Variants in ZNF169 observed in about 807,000 individuals in gnomAD.
The protein encoded by ZNF169 is zinc finger protein 169.
In ZNF169, 11 loss-of-function variants were observed where a neutral mutation model predicts 12.0. The observed-to-expected ratio is 0.92, with a 90% CI of 0.58 to 1.52. The LOEUF (loss-of-function observed/expected upper bound fraction) is 1.52, where lower values mean the gene tolerates loss of function less well. ZNF169 is among the 40% of genes most tolerant of loss of function. The probability of loss-of-function intolerance (pLI) is 0.00; values close to 1 mark genes in which losing one functional copy is unlikely to be tolerated. For synonymous variants in ZNF169, 302 were observed against 286.5 expected (o/e 1.05, Z -0.55); for missense variants, 722 against 744.0 (o/e 0.97, Z 0.34).
chr9:94,299,943 T>C lies in ZNF169; in HGVS notation c.385T>C (p.Phe129Leu). The change falls in exon 5 of 5, where the codon TTC (phenylalanine) becomes CTC (leucine). Residue 129 changes from phenylalanine to leucine, a missense_variant. Coordinates refer to ENST00000395395, the MANE Select transcript of ZNF169 (RefSeq NM_194320.4). ...CCCAAGCTCATCTGCAGGAGGTGAC[T>C]TCCAACTAGAAGCTCCAAGATGCTC... is the stretch of plus-strand genomic sequence containing the variant. Reference protein sequence around the residue: ...IFPSSSAGGDFQLEAPRCSSE... With the variant: ...IFPSSSAGGDLQLEAPRCSSE... 1 of 1,614,086 alleles carries C rather than the reference T, an allele frequency of 6.2e-7. No individual in the cohort carries two copies. Among genetic ancestry groups the C allele is most frequent in the South Asian group, 1.1e-5 (1 of 91,076 alleles).
chr9:94,295,318 ACT>A (rs1830928550), intron 4 of ZNF169: 1 of 152,098 alleles, frequency 6.6e-6, no homozygotes, highest in South Asian at 2.1e-4. Context: ...ACAGAGTGAG[ACT>A]CTGTCTCAAA....
chr9:94,267,190 T>C (rs1303776993), intron 1 of ZNF169, among the ~76,000 whole-genome samples: 2 of 152,202 alleles, frequency 1.3e-5, no homozygotes, highest in African/African-American at 4.8e-5. Flanking sequence ...TACCTATCAG[T>C]TGGGTGAATA....
chr9:94,283,199 A>G (rs961223703), intron 2 of ZNF169, among the ~76,000 whole-genome samples: 3 of 152,228 alleles, frequency 2.0e-5, no homozygotes, highest in Admixed American at 6.5e-5. Context: ...TCATGAGGTC[A>G]GGAGATCGAG....
chr9:94,299,684 T>C (rs1195627350), intron 4 of ZNF169, 131 bp from the exon 5 acceptor site: 2 of 1,452,518 alleles, frequency 1.4e-6, no homozygotes, highest in Admixed American at 2.8e-5. Context: ...TGTGCTGCAA[T>C]AGAGCATGTA....
In ZNF169 at chr9:94,299,891, G is replaced by A; in HGVS notation, c.333G>A (p.Ala111=). 4.3e-6 allele frequency: 7 copies of A among 1,614,066 alleles called. No individual in the cohort carries two copies. Among genetic ancestry groups the A allele is most frequent in the South Asian group, 1.1e-5 (1 of 91,076 alleles). Residue 111 remains alanine (A), a synonymous_variant, in exon 5 of 5, where the codon GCG becomes GCA. Transcript: ENST00000395395. ...FSSSQLLRQY[A]LSGHPTQIFP... is the part of the protein sequence containing the mutation. ...GCTCGCAGCTCCTCAGACAATATGC[G>A]CTAAGTGGCCATCCCACACAGATCT...
intron 2 of ZNF169, among the ~76,000 whole-genome samples, chr9:94,283,036 C>T (rs1468015971): frequency 6.6e-6 from 1 of 152,128 alleles, no homozygotes; most frequent in African/African-American, 2.4e-5. Flanking sequence ...GCGTTTTTGT[C>T]CTATGGATTT....
At chr9:94,259,695 C>T (rs1331283396) in intron 1 of ZNF169, among the ~76,000 whole-genome samples, 1 of 152,070 alleles carries the variant, frequency 6.6e-6, no homozygotes, top group Non-Finnish European at 1.5e-5. Context: ...GCTGAGTGGG[C>T]TCTGCCTGGG....
chr9:94,300,470 T>G lies in ZNF169; in HGVS notation c.912T>G (p.Ser304=), dbSNP rs1220112313. ...GGCGACACTTCAGGTATACATCCTC[T>G]CTCACTAATCACAAGAGGATTCACT... ...ECGRHFRYTS[S]LTNHKRIHSG... is the part of the protein sequence containing the mutation. Residue 304 remains serine (S), a synonymous_variant, in exon 5 of 5, where the codon TCT becomes TCG. Coordinates refer to ENST00000395395, the MANE Select transcript of ZNF169 (RefSeq NM_194320.4). The G allele has an allele frequency of 6.2e-7, 1 of 1,613,800 alleles. No homozygotes were observed. The highest frequency in any genetic ancestry group is 8.5e-7 in the Non-Finnish European group (1 of 1,179,928).
chr9:94,280,248 TA>T (rs2118599927), intron 2 of ZNF169, among the ~76,000 whole-genome samples: 1 of 152,348 alleles, frequency 6.6e-6, no homozygotes, highest in Admixed American at 6.5e-5. Flanking sequence ...GAGAAATCTG[TA>T]ACATCTTTGA....
chr9:94,271,848 A>G (rs1384671191), intron 1 of ZNF169, among the ~76,000 whole-genome samples: 1 of 151,866 alleles, frequency 6.6e-6, no homozygotes. Context: ...CTTTTGCAGG[A>G]AGTGTATGGC....
intron 4 of ZNF169, chr9:94,294,944 T>C (rs1830921292): frequency 6.6e-6 from 1 of 152,282 alleles, no homozygotes; most frequent in African/African-American, 2.4e-5. Flanking sequence ...CATTTTATTT[T>C]TGTTTTATTT....
In ZNF169 at chr9:94,293,027, C is replaced by A. The variant is rs532233833; in HGVS notation, c.214C>A (p.Pro72Thr). 6.2e-7 allele frequency: 1 copy of A among 1,613,660 alleles called. No individual in the cohort carries two copies. The highest frequency in any genetic ancestry group is 2.2e-5 in the East Asian group (1 of 44,862). The change falls in exon 4 of 5, where the codon CCT (proline) becomes ACT (threonine). Residue 72 changes from proline (P) to threonine (T), a missense_variant. Transcript: ENST00000395395. ...CGAACAGCTGGAGCAAGGCGACGAA[C>A]CTTGGAGAGAGGAGAACGAACATCT... is the stretch of plus-strand genomic sequence containing the variant. ...LIEQLEQGDE[P>T]WREENEHLLD...
At chr9:94,271,046 A>C (rs10993133) in intron 1 of ZNF169, among the ~76,000 whole-genome samples, 51,782 of 94,708 alleles carry the variant, frequency 0.55, 15,116 homozygotes, top group Middle Eastern at 0.64. Flanking sequence ...TTATATATAT[A>C]TAAATATATA....
chr9:94,266,986 G>C (rs1258111304), intron 1 of ZNF169, among the ~76,000 whole-genome samples: 3 of 149,920 alleles, frequency 2.0e-5, no homozygotes, highest in African/African-American at 7.4e-5. Context: ...TTGGCTCACT[G>C]CAACCTCCGC....
chr9:94,295,934 A>G (rs940314019), intron 4 of ZNF169: 2 of 152,242 alleles, frequency 1.3e-5, no homozygotes, highest in South Asian at 2.1e-4. Flanking sequence ...GATACAATAT[A>G]TATTCAACTT....
intron 4 of ZNF169, chr9:94,294,842 TAAC>T (rs905475336): frequency 5.9e-5 from 9 of 152,236 alleles, no homozygotes; most frequent in African/African-American, 2.2e-4. Context: ...TTTAGGTCTT[TAAC>T]TGGAATTAAT....
chr9:94,297,441 T>C (rs576327595), intron 4 of ZNF169, among the ~76,000 whole-genome samples: 49 of 152,340 alleles, frequency 3.2e-4, no homozygotes, highest in African/African-American at 1.2e-3. Flanking sequence ...ATAAAATGGA[T>C]TTATGTATAG....
intron 1 of ZNF169, among the ~76,000 whole-genome samples, chr9:94,270,761 A>T (rs1179569410): frequency 2.0e-5 from 1 of 51,278 alleles, no homozygotes; most frequent in Non-Finnish European, 4.7e-5. Flanking sequence ...TAATATATAA[A>T]TATATATGTT....
chr9:94,301,515 A>G lies in ZNF169; in HGVS notation c.*145A>G. The G allele has an allele frequency of 7.1e-7, 1 of 1,412,436 alleles. No individual in the cohort carries two copies. The allele number at this position is 1,412,436 out of a possible 1,614,324, so 87.5% of individuals were successfully genotyped here. ...TTTTGGTTTACTTTCTATATTCACA[A>G]TTTGTCTTGGCTTGCTAGGGGTTCC... is the stretch of plus-strand genomic sequence containing the variant. On this transcript the variant is annotated 3_prime_UTR_variant, in exon 5 of 5. Transcript: ENST00000395395.
Sources: allele counts gnomAD v4.1 joint callset (sites outside exome capture counted in the v4.1 genomes callset), GRCh38; gene constraint gnomAD v4.1.1; transcripts MANE v1.5; gene names NCBI Gene and HGNC (gene_info 2026-07-23, HGNC 2026-07-21).